The following CLNK variants were observed in gnomAD, a reference collection of about 807,000 sequenced individuals.
The protein encoded by CLNK is cytokine-dependent hematopoietic cell linker.
In CLNK, 74 loss-of-function variants were observed where a neutral mutation model predicts 68.6. The observed-to-expected ratio is 1.08, with a 90% CI of 0.89 to 1.31. CLNK has a LOEUF of 1.31. CLNK is among the 50% of genes most tolerant of loss of function. The probability of loss-of-function intolerance (pLI) is 0.00; values close to 1 mark genes in which losing one functional copy is unlikely to be tolerated. For missense variants in CLNK, 553 were observed against 515.3 expected, an observed-to-expected ratio of 1.07 and a Z score of -0.71; for synonymous variants, 198 against 172.2, an observed-to-expected ratio of 1.15 and a Z score of -1.17.
intron 2 of CLNK, among the ~76,000 whole-genome samples, chr4:10,664,190 A>G (rs914018988): frequency 6.6e-6 from 1 of 151,926 alleles, no homozygotes; most frequent in Non-Finnish European, 1.5e-5. Context: ...TTATTCCACA[A>G]AACTGGATGT....
At chr4:10,623,637 T>A (rs761452422) in intron 2 of CLNK, among the ~76,000 whole-genome samples, 10 of 152,242 alleles carry the variant, frequency 6.6e-5, no homozygotes. Context: ...GAATTAGATG[T>A]ATAAACAATA....
At chr4:10,634,192 A>G (rs1330947797) in intron 2 of CLNK, among the ~76,000 whole-genome samples, 2 of 152,246 alleles carry the variant, frequency 1.3e-5, no homozygotes, top group African/African-American at 4.8e-5. Flanking sequence ...GCCCATAAGA[A>G]GAGAAGGGGC....
rs116029623 is a variant in CLNK at position 10,597,548 on chromosome 4, A to T, written c.83+430T>A. 1.7e-3 allele frequency among the ~76,000 whole-genome samples: 264 copies of T among 152,288 alleles called. 1 individual carries two copies. Among genetic ancestry groups the T allele is most frequent in the African/African-American group, 6.1e-3 (252 of 41,574 alleles). ...AACCACTCAGCAAATGTTATTCTCA[A>T]TTGAAGGACAAAGGAAATAACAGTG... On this transcript the variant is annotated intron_variant, in intron 3 of 18. Transcript: ENST00000226951.
At chr4:10,647,560 T>C (rs933635648) in intron 2 of CLNK, among the ~76,000 whole-genome samples, 1 of 152,172 alleles carries the variant, frequency 6.6e-6, no homozygotes, top group African/African-American at 2.4e-5. Context: ...GGACATATGA[T>C]TGAGCTCTGA....
chr4:10,594,007 T>C (rs554227312), intron 3 of CLNK, among the ~76,000 whole-genome samples: 137 of 152,284 alleles, frequency 9.0e-4, no homozygotes, highest in African/African-American at 3.2e-3. Flanking sequence ...CCCTGGTTGA[T>C]CCTGTGTCCC....
At chr4:10,496,978 CTTT>C (rs1716834687) in intron 18 of CLNK, among the ~76,000 whole-genome samples, 2 of 152,204 alleles carry the variant, frequency 1.3e-5, no homozygotes, top group African/African-American at 4.8e-5. Flanking sequence ...TTGCTTCATT[CTTT>C]CCTTGCTTTG....
chr4:10,558,521 T>C (rs1719765714), intron 7 of CLNK, 69 bp from the exon 8 acceptor site: 2 of 1,445,396 alleles, frequency 1.4e-6, no homozygotes, highest in African/African-American at 1.4e-5. Flanking sequence ...GTCTTGACAC[T>C]CTCTGTGGTT....
At chr4:10,665,662 CAAAAAAAAA>C (rs57998581) in intron 2 of CLNK, among the ~76,000 whole-genome samples, 4 of 62,876 alleles carry the variant, frequency 6.4e-5, no homozygotes, top group Admixed American at 3.6e-4. Context: ...GACTTCGTCT[CAAAAAAAAA>C]AAAAAAAAAA....
Position 10,650,808 on chromosome 4 carries a change from A to G in CLNK, c.11+17051T>C, listed in dbSNP as rs12233887. ...AATTTGCAATCTATGCATCTGGCAAAAGGCTAATATCCAGAATCTACAAGG... is the reference window on the plus strand; with the variant it reads ...AATTTGCAATCTATGCATCTGGCAAGAGGCTAATATCCAGAATCTACAAGG... On this transcript the variant is annotated intron_variant, in intron 2 of 18. Coordinates refer to ENST00000226951, the MANE Select transcript of CLNK (RefSeq NM_052964.4). 2.1e-3 allele frequency among the ~76,000 whole-genome samples: 320 copies of G among 152,324 alleles called. 14 individuals are homozygous for G. In the East Asian group the frequency reaches 0.057, roughly 27 times the overall value.
chr4:10,644,162 T>C (rs1010290650), intron 2 of CLNK, among the ~76,000 whole-genome samples: 1 of 152,204 alleles, frequency 6.6e-6, no homozygotes, highest in Admixed American at 6.5e-5. Flanking sequence ...TGTTGGGTGA[T>C]TTAAGTTGTT....
At chr4:10,650,327 A>G (rs1723676144) in intron 2 of CLNK, among the ~76,000 whole-genome samples, 1 of 152,160 alleles carries the variant, frequency 6.6e-6, no homozygotes, top group South Asian at 2.1e-4. Context: ...AATGAGAGGA[A>G]AAAATACTCA....
At chr4:10,699,262 T>TGTACACACACAC in the CLNK span, among the ~76,000 whole-genome samples, 1 of 34,692 alleles carries the variant, frequency 2.9e-5, no homozygotes, top group East Asian at 8.4e-4. Flanking sequence ...CGTATGTGTG[T>TGTACACACACAC]ATACACACAC....
At chr4:10,506,924 C>T (rs1241874116) in intron 17 of CLNK, among the ~76,000 whole-genome samples, 2 of 151,676 alleles carry the variant, frequency 1.3e-5, no homozygotes, top group Non-Finnish European at 2.9e-5. Flanking sequence ...CTCAGCCTCC[C>T]GAGTAGCTGG....
intron 8 of CLNK, among the ~76,000 whole-genome samples, chr4:10,557,283 TG>T (rs1264900605): frequency 6.6e-6 from 1 of 152,036 alleles, no homozygotes; most frequent in Admixed American, 6.6e-5. Context: ...TTCTCTACCC[TG>T]CTCTCCGCCT....
chr4:10,561,486 T>TA (rs201626588), intron 7 of CLNK, among the ~76,000 whole-genome samples: 6,551 of 151,870 alleles, frequency 0.043, 206 homozygotes, highest in Middle Eastern at 0.099. Flanking sequence ...TTATTCTTTG[T>TA]AAAAAAAAAT....
At chr4:10,646,797 C>A (rs888147301) in intron 2 of CLNK, among the ~76,000 whole-genome samples, 1 of 152,062 alleles carries the variant, frequency 6.6e-6, no homozygotes, top group African/African-American at 2.4e-5. Flanking sequence ...CTTAACTATT[C>A]ATTATCCCTT....
intron 2 of CLNK, among the ~76,000 whole-genome samples, chr4:10,600,493 A>G (rs1721552162): frequency 6.6e-6 from 1 of 152,204 alleles, no homozygotes; most frequent in African/African-American, 2.4e-5. Flanking sequence ...ATAAGCAAGT[A>G]AACAATATAA....
intron 16 of CLNK, among the ~76,000 whole-genome samples, chr4:10,511,160 A>G (rs961012574): frequency 1.3e-5 from 2 of 151,422 alleles, no homozygotes; most frequent in Admixed American, 1.3e-4. Flanking sequence ...ACTCTGTCTC[A>G]AAAAAAATTA....
At chr4:10,501,808 TC>T (rs1717066550) in intron 17 of CLNK, among the ~76,000 whole-genome samples, 1 of 152,142 alleles carries the variant, frequency 6.6e-6, no homozygotes, top group Admixed American at 6.5e-5. Context: ...GCGCCTGTAA[TC>T]CCAGCTACTC....
Sources: allele counts gnomAD v4.1 joint callset (sites outside exome capture counted in the v4.1 genomes callset), GRCh38; gene constraint gnomAD v4.1.1; transcripts MANE v1.5; gene names NCBI Gene and HGNC (gene_info 2026-07-23, HGNC 2026-07-21).